The following DEDD variants were observed in gnomAD, a reference collection of about 807,000 sequenced individuals.
DEDD encodes the protein death effector domain-containing protein.
A neutral mutation model predicts 29.2 loss-of-function variants in DEDD; 3 were observed. The observed-to-expected ratio is 0.10, with a 90% CI of 0.05 to 0.27. The LOEUF is 0.27. DEDD is among the 10% of genes least tolerant of loss of function. The pLI is 1.00. For synonymous variants in DEDD, 152 were observed against 161.3 expected (o/e 0.94, Z 0.44); for missense variants, 261 against 420.5 (o/e 0.62, Z 3.32).
At chr1:161,131,885 T>G (rs2101769258) in intron 1 of DEDD, among the ~76,000 whole-genome samples, 1 of 151,786 alleles carries the variant, frequency 6.6e-6, no homozygotes, top group South Asian at 2.1e-4. Context: ...AGCTCCACTG[T>G]CCTATCTCCC....
rs143893411 is a variant in DEDD at position 161,127,696 on chromosome 1, G to A, written c.-65+3119C>T. Among the ~76,000 whole-genome samples, 706 of 152,344 alleles carry A rather than the reference G, an allele frequency of 4.6e-3. 5 individuals carry two copies. Among genetic ancestry groups the A allele is most frequent in the Middle Eastern group, 0.031 (9 of 294 alleles). ...CTTGCCTCTTCCTCTCGATTCACCT[G>A]TTGCTGTTACTGGGTACAAATGAAG... On this transcript the variant is annotated intron_variant, in intron 2 of 5. Coordinates refer to ENST00000368006, the MANE Select transcript of DEDD (RefSeq NM_032998.3).
chr1:161,129,376 C>T (rs1656471708), intron 2 of DEDD, among the ~76,000 whole-genome samples: 1 of 152,090 alleles, frequency 6.6e-6, no homozygotes, highest in Non-Finnish European at 1.5e-5. Context: ...AGGAGGACTG[C>T]TTGAGCCCAG....
intron 2 of DEDD, among the ~76,000 whole-genome samples, chr1:161,130,298 A>G (rs1656561154): frequency 6.6e-6 from 1 of 152,238 alleles, no homozygotes; most frequent in African/African-American, 2.4e-5. Flanking sequence ...TTAAAACTAC[A>G]TAGAAAATCT....
At chr1:161,126,832 T>C (rs907135909) in intron 2 of DEDD, among the ~76,000 whole-genome samples, 6 of 152,158 alleles carry the variant, frequency 3.9e-5, no homozygotes, top group Non-Finnish European at 8.8e-5. Flanking sequence ...CTCCCTTCTC[T>C]ATTCCACACC....
intron 4 of DEDD, 73 bp from the exon 5 acceptor site, chr1:161,123,294 G>C: frequency 7.1e-7 from 1 of 1,409,240 alleles, no homozygotes; most frequent in Non-Finnish European, 9.9e-7. Flanking sequence ...GTTGGAATGA[G>C]GAAGGAATCA....
Position 161,123,204 on chromosome 1 carries a change from C to T in DEDD, c.451G>A (p.Val151Met). ...GGACCCGAAGTGGGGCAACACACCA[C>T]AGGATAGTGGGGAGGCACTGACCAG... is the stretch of plus-strand genomic sequence containing the variant. ...PSKTVPPHYP[V>M]VCCPTSGPQM... is the part of the protein sequence containing the mutation. Residue 151 changes from valine to methionine, a missense_variant, in exon 5 of 6, where the codon GTG becomes ATG. This residue lies in a region of DEDD where 203 missense variants were observed against 268.7 expected (regional missense o/e 0.76). Coordinates refer to ENST00000368006, the MANE Select transcript of DEDD (RefSeq NM_032998.3). The T allele has an allele frequency of 1.2e-6, 2 of 1,614,142 alleles. No individual in the cohort carries two copies. Among genetic ancestry groups the T allele is most frequent in the African/African-American group, 1.3e-5 (1 of 75,028 alleles).
chr1:161,122,581 G>A lies in DEDD; in HGVS notation c.581-58C>T. ...GTTACAGTAAGGGATGAGTTTACAA[G>A]CCAAGCTTGAAAACTGAAAAGCACA... On this transcript the variant is annotated intron_variant, in intron 5 of 5. Coordinates refer to ENST00000368006, the MANE Select transcript of DEDD (RefSeq NM_032998.3). This position sits in a 1 kb window ranked among gnomAD's most constrained non-coding sequence, Gnocchi z 4.2. The A allele has an allele frequency of 6.4e-7, 1 of 1,560,158 alleles. No individual in the cohort carries two copies. The highest frequency in any genetic ancestry group is 8.7e-7 in the Non-Finnish European group (1 of 1,153,722).
chr1:161,124,280 G>A lies in DEDD; in HGVS notation c.183C>T (p.Ile61=), dbSNP rs1571224599. 3 of 1,614,240 alleles carry A rather than the reference G, an allele frequency of 1.9e-6. No individual in the cohort carries two copies. Among genetic ancestry groups the A allele is most frequent in the Non-Finnish European group, 2.5e-6 (3 of 1,180,042 alleles). ...CCAATAAGAAGTCACGTCCATTTCG[G>A]ATGAGTCCACGCTCGTGGTCATCAA... ...DVIDDHERGL[I]RNGRDFLLAL... is the part of the protein sequence containing the mutation. Residue 61 remains isoleucine (I), a synonymous_variant, in exon 3 of 6, where the codon ATC becomes ATT. Coordinates refer to ENST00000368006, the MANE Select transcript of DEDD (RefSeq NM_032998.3).
intron 2 of DEDD, among the ~76,000 whole-genome samples, chr1:161,128,906 A>G (rs1656397728): frequency 6.6e-6 from 1 of 152,106 alleles, no homozygotes; most frequent in Admixed American, 6.5e-5. Flanking sequence ...GTCCTCTGTC[A>G]CCTGCTGTTG....
At chr1:161,123,984 C>T (rs761224970) in intron 3 of DEDD, 38 bp from the exon 4 acceptor site, 2 of 1,606,310 alleles carry the variant, frequency 1.2e-6, no homozygotes, top group Non-Finnish European at 1.7e-6. Context: ...AAAATATACA[C>T]CCTTCCCTTC....
chr1:161,129,060 G>GT, intron 2 of DEDD, among the ~76,000 whole-genome samples: 1 of 152,296 alleles, frequency 6.6e-6, no homozygotes, highest in East Asian at 1.9e-4. Context: ...GATCCTGCTC[G>GT]TAAGCCTCAG....
intron 2 of DEDD, among the ~76,000 whole-genome samples, chr1:161,126,343 CTTTT>C (rs538174697): frequency 1.5e-5 from 2 of 132,492 alleles, no homozygotes; most frequent in Non-Finnish European, 1.6e-5. Context: ...ACTCCAAACT[CTTTT>C]TTTTTTTTTT....
Position 161,122,075 on chromosome 1 carries a change from C to T in DEDD, c.*72G>A. On this transcript the variant is annotated 3_prime_UTR_variant, in exon 6 of 6. Coordinates refer to ENST00000368006, the MANE Select transcript of DEDD (RefSeq NM_032998.3). This position sits in a 1 kb window ranked among gnomAD's most constrained non-coding sequence, Gnocchi z 4.2. Reference sequence around the variant, plus strand: ...TGTGATTGGTTGGAAGGGTAGAGAACAAACCCCAGAACAGTGTAAGCTCCA... The same window carrying T: ...TGTGATTGGTTGGAAGGGTAGAGAATAAACCCCAGAACAGTGTAAGCTCCA... 4 of 1,483,380 alleles carry T rather than the reference C, an allele frequency of 2.7e-6. No homozygotes were observed. The South Asian group carries it at 3.9e-5, about 15-fold the overall frequency. The allele number at this position is 1,483,380 out of a possible 1,614,324, so 91.9% of individuals were successfully genotyped here. A position where few individuals can be genotyped will look rare whatever the true frequency, so the allele number is the denominator to read the frequency against.
Position 161,121,224 on chromosome 1 carries a change from A to T in DEDD, c.*923T>A. On this transcript the variant is annotated 3_prime_UTR_variant, in exon 6 of 6. Transcript: ENST00000368006. ...ATGTCCCAGCCCCATTCTCCCAAGCATGGGAGTGGGCGTAGGAGTGGAGGA... is the reference window on the plus strand; with the variant it reads ...ATGTCCCAGCCCCATTCTCCCAAGCTTGGGAGTGGGCGTAGGAGTGGAGGA... The T allele has an allele frequency of 1.0e-6, 1 of 980,850 alleles. No individual in the cohort carries two copies. The highest frequency in any genetic ancestry group is 1.2e-6 in the Non-Finnish European group (1 of 820,968). 60.8% of individuals were successfully genotyped at this position (980,850 alleles called of 1,614,324 possible). A position where few individuals can be genotyped will look rare whatever the true frequency, so the allele number is the denominator to read the frequency against.
In DEDD at chr1:161,122,063, A is replaced by G; in HGVS notation, c.*84T>C. On this transcript the variant is annotated 3_prime_UTR_variant, in exon 6 of 6. Coordinates refer to ENST00000368006, the MANE Select transcript of DEDD (RefSeq NM_032998.3). This position sits in a 1 kb window ranked among gnomAD's most constrained non-coding sequence, Gnocchi z 4.2. ...AAAAGGCAGGGGTGTGATTGGTTGG[A>G]AGGGTAGAGAACAAACCCCAGAACA... 6.8e-7 allele frequency: 1 copy of G among 1,466,536 alleles called. No homozygotes were observed. The highest frequency in any genetic ancestry group is 2.3e-5 in the East Asian group (1 of 43,668). The allele number at this position is 1,466,536 out of a possible 1,614,324, so 90.8% of individuals were successfully genotyped here. A position where few individuals can be genotyped will look rare whatever the true frequency, so the allele number is the denominator to read the frequency against.
Position 161,122,604 on chromosome 1 carries a change from A to C in DEDD, c.581-81T>G. 1 of 1,517,170 alleles carries C rather than the reference A, an allele frequency of 6.6e-7. No homozygotes were observed. The highest frequency in any genetic ancestry group is 8.9e-7 in the Non-Finnish European group (1 of 1,127,596). 94.0% of individuals were successfully genotyped at this position (1,517,170 alleles called of 1,614,324 possible). A position where few individuals can be genotyped will look rare whatever the true frequency, so the allele number is the denominator to read the frequency against. On this transcript the variant is annotated intron_variant, in intron 5 of 5. Coordinates refer to ENST00000368006, the MANE Select transcript of DEDD (RefSeq NM_032998.3). The surrounding 1 kb of genome is among the most constrained non-coding windows in gnomAD (Gnocchi z 4.2). Reference sequence around the variant, plus strand: ...AAGCCAAGCTTGAAAACTGAAAAGCACAACAGAATAAAAAAGTAGGGAATA... The same window carrying C: ...AAGCCAAGCTTGAAAACTGAAAAGCCCAACAGAATAAAAAAGTAGGGAATA...
At chr1:161,128,453 T>G (rs1045043978) in intron 2 of DEDD, among the ~76,000 whole-genome samples, 5 of 152,012 alleles carry the variant, frequency 3.3e-5, no homozygotes, top group African/African-American at 1.2e-4. Flanking sequence ...ATATAAAAAT[T>G]AGCCTGGCGT....
intron 2 of DEDD, among the ~76,000 whole-genome samples, chr1:161,129,402 C>G (rs547949832): frequency 1.4e-4 from 22 of 152,148 alleles, no homozygotes; most frequent in African/African-American, 4.3e-4. Flanking sequence ...CGAGACCAGC[C>G]TGAGCAACAT....
chr1:161,120,980 T>TA lies in DEDD; in HGVS notation c.*1166dup. The TA allele has an allele frequency of 2.1e-6, 3 of 1,414,478 alleles. No homozygotes were observed. Among genetic ancestry groups the TA allele is most frequent in the Non-Finnish European group, 2.8e-6 (3 of 1,087,908 alleles). The allele number at this position is 1,414,478 out of a possible 1,614,324, so 87.6% of individuals were successfully genotyped here. ...CTGCAGTTTCAGAAAGGTGGAATTTTATATAGTCATTGTTTATTTCATGGA... is the reference window on the plus strand; with the variant it reads ...CTGCAGTTTCAGAAAGGTGGAATTTTAATATAGTCATTGTTTATTTCATGGA... On this transcript the variant is annotated 3_prime_UTR_variant, in exon 6 of 6. Transcript: ENST00000368006.
Sources: gnomAD v4.1 joint callset for allele counts (sites outside exome capture counted in the v4.1 genomes callset) on GRCh38, gnomAD v4.1.1 for gene constraint, gnomAD v4.1.1 regional missense constraint, Gnocchi (gnomAD v3.1) non-coding constraint, MANE v1.5 for transcripts, NCBI Gene and HGNC (gene_info 2026-07-23, HGNC 2026-07-21) for gene names.